Variants in CHFR observed in about 807,000 individuals in gnomAD.
CHFR encodes the protein checkpoint with forkhead and ring finger domains.
A neutral mutation model predicts 87.6 loss-of-function variants in CHFR; 57 were observed. The observed-to-expected ratio is 0.65, with a 90% confidence interval of 0.53 to 0.81. CHFR has a LOEUF of 0.81. CHFR is among the 30% of genes least tolerant of loss of function. CHFR has a pLI of 0.00. For synonymous variants in CHFR, 381 were observed against 359.2 expected, an observed-to-expected ratio of 1.06 and a Z score of -0.69; for missense variants, 797 against 865.8, an observed-to-expected ratio of 0.92 and a Z score of 1.00.
intron 14 of CHFR, chr12:132,847,450 C>T (rs1305525645): frequency 8.9e-7 from 1 of 1,120,190 alleles, no homozygotes; most frequent in African/African-American, 1.6e-5. Context: ...AGCAACGAGC[C>T]CAGGCTGTTG....
rs968563777 is a variant in CHFR, at chr12:132,857,506, T to C, written c.965A>G (p.Glu322Gly). ...GCAGGTAGGACACAGGGACGAGCGC[T>C]CCATCCAGCCCGAGTAGCAAGCCGC... ...FCAACYSGWM[E>G]RSSLCPTCRC... Residue 322 changes from glutamate to glycine, a missense_variant, in exon 9 of 18, where the codon GAG (glutamate) becomes GGG (glycine). By Grantham distance (98) the Glu-to-Gly change is moderately conservative. Transcript: ENST00000450056. The C allele has an allele frequency of 3.7e-6, 6 of 1,614,104 alleles. No homozygotes were observed. Among genetic ancestry groups the C allele is most frequent in the Non-Finnish European group, 5.1e-6 (6 of 1,180,002 alleles).
chr12:132,858,476 G>A (rs960920168), intron 8 of CHFR, among the ~76,000 whole-genome samples: 10 of 152,104 alleles, frequency 6.6e-5, no homozygotes, highest in African/African-American at 2.2e-4. Flanking sequence ...TATAATCCCA[G>A]CACTTTAGGA....
At chr12:132,863,228 C>G (rs1408318204) in intron 6 of CHFR, among the ~76,000 whole-genome samples, 2 of 148,668 alleles carry the variant, frequency 1.3e-5, no homozygotes, top group Non-Finnish European at 3.0e-5. Context: ...AAAAAAAATG[C>G]CAGGCGCGGT....
chr12:132,851,606 G>A lies in CHFR; in HGVS notation c.1492+12C>T, dbSNP rs746930809. The stretch of plus-strand genomic sequence containing the variant: ...TAGGAACCCGCCTGCGTGCGGTGGC[G>A]CGGGCACTCACACTGCTGAGGGGCG... On this transcript the variant is annotated intron_variant, in intron 12 of 17. Transcript: ENST00000450056. The A allele has an allele frequency of 2.2e-5, 36 of 1,603,496 alleles. No individual in the cohort carries two copies. The East Asian group carries it at 3.1e-4, about 14-fold the overall frequency.
intron 5 of CHFR, 100 bp downstream of exon 5, chr12:132,870,624 C>T (rs1951468084): frequency 3.8e-6 from 3 of 786,966 alleles, no homozygotes; most frequent in African/African-American, 3.4e-5. Flanking sequence ...CGCGCCACCG[C>T]ACTCCAGCCT....
In CHFR at chr12:132,869,656, C is replaced by T. The variant is rs1951438999; in HGVS notation, c.546G>A (p.Glu182=). 1 of 1,551,650 alleles carries T rather than the reference C, an allele frequency of 6.4e-7. No individual in the cohort carries two copies. The highest frequency in any genetic ancestry group is 2.0e-5 in the Admixed American group (1 of 50,998). Reference sequence around the variant, plus strand: ...AACGCTCTCGCCCTGCAGGAGAAGGCTCCGTGGAAGAGGCCGAGGCTGTGG... The same window carrying T: ...AACGCTCTCGCCCTGCAGGAGAAGGTTCCGTGGAAGAGGCCGAGGCTGTGG... The part of the protein sequence containing the change: ...LFPTASASST[E]PSPAGRERSS... The change falls in exon 6 of 18, where the codon GAG becomes GAA. Residue 182 remains glutamate (E), a synonymous_variant. Transcript: ENST00000450056.
Position 132,841,542 on chromosome 12 carries a change from G to C in CHFR, c.*12C>G. 1.9e-6 allele frequency: 3 copies of C among 1,610,848 alleles called. No individual in the cohort carries two copies. The highest frequency in any genetic ancestry group is 2.5e-6 in the Non-Finnish European group (3 of 1,177,030). ...CCTCCAGTGCTGAAAGCTGCTCAGG[G>C]CCTCTGGATGCTTAGTTTTTGAACC... On this transcript the variant is annotated 3_prime_UTR_variant, in exon 18 of 18. Coordinates refer to ENST00000450056, the MANE Select transcript of CHFR (RefSeq NM_001161346.2).
At chr12:132,851,797 T>C (rs1950952861) in intron 11 of CHFR, 60 bp from the exon 12 acceptor site, 2 of 1,555,500 alleles carry the variant, frequency 1.3e-6, no homozygotes, top group African/African-American at 2.7e-5. Context: ...GACAGCAGGT[T>C]AGAGAGGCCG....
In CHFR at chr12:132,872,346, T is replaced by C. The variant is rs1951509886; in HGVS notation, c.282A>G (p.Thr94=). The change falls in exon 4 of 18, where the codon ACA becomes ACG. Residue 94 remains threonine (T), a synonymous_variant. Transcript: ENST00000450056. ...TGACATCCCCAGTCTGTAAAGGGCA[T>C]GTCTGCTTCTTAACAACCTTCAGCT... is the stretch of plus-strand genomic sequence containing the variant. ...INKLKVVKKQ[T]CPLQTGDVIY... 6.2e-7 allele frequency: 1 copy of C among 1,613,804 alleles called. No homozygotes were observed. The highest frequency in any genetic ancestry group is 1.3e-5 in the African/African-American group (1 of 75,034).
chr12:132,843,207 A>G (rs541902910), intron 16 of CHFR, 124 bp from the exon 17 acceptor site: 6 of 832,260 alleles, frequency 7.2e-6, no homozygotes, highest in Admixed American at 2.1e-5. Flanking sequence ...TGGTCCCTCC[A>G]TAACTAGTTT....
At chr12:132,878,998 TG>T (rs1951701316) in intron 2 of CHFR, among the ~76,000 whole-genome samples, 1 of 131,990 alleles carries the variant, frequency 7.6e-6, no homozygotes, top group Non-Finnish European at 1.6e-5. Context: ...TTTTTTTTTT[TG>T]TTTTTGTTTG....
chr12:132,879,484 G>A (rs554917419), intron 2 of CHFR, among the ~76,000 whole-genome samples: 7 of 148,330 alleles, frequency 4.7e-5, no homozygotes, highest in East Asian at 2.0e-4. Flanking sequence ...TCTGCCTCCC[G>A]GGTTCAAGCG....
Position 132,841,587 on chromosome 12 carries a change from A to AT in CHFR, c.1925dup (p.Asn642LysfsTer5). On this transcript the variant is annotated frameshift_variant, in exon 18 of 18. Coordinates refer to ENST00000450056, the MANE Select transcript of CHFR (RefSeq NM_001161346.2). LOFTEE classifies it high-confidence loss of function. ...TGAACCTTGTCTGTTCACAGATATGATTGAATTTCCTGCAGGGAGAAAATG... is the reference window on the plus strand; with the variant it reads ...TGAACCTTGTCTGTTCACAGATATGATTTGAATTTCCTGCAGGGAGAAAATG... 1 of 1,613,894 alleles carries AT rather than the reference A, an allele frequency of 6.2e-7. No homozygotes were observed.
At chr12:132,861,237 A>G (rs1394165140) in intron 7 of CHFR, among the ~76,000 whole-genome samples, 1 of 152,236 alleles carries the variant, frequency 6.6e-6, no homozygotes, top group Non-Finnish European at 1.5e-5. Context: ...TTTCCAGACC[A>G]AGAGAACAGC....
chr12:132,872,480 T>A, intron 3 of CHFR, 86 bp from the exon 4 acceptor site: 1 of 823,966 alleles, frequency 1.2e-6, no homozygotes, highest in East Asian at 2.5e-5. Context: ...AGCAAGCAGC[T>A]CGATATGACC....
At chr12:132,875,981 C>A (rs1951623525) in intron 3 of CHFR, among the ~76,000 whole-genome samples, 1 of 152,032 alleles carries the variant, frequency 6.6e-6, no homozygotes, top group African/African-American at 2.4e-5. Context: ...TCGAGACCAG[C>A]CTGGCCAGCA....
chr12:132,850,168 T>C (rs1303038845), intron 12 of CHFR, among the ~76,000 whole-genome samples: 1 of 152,058 alleles, frequency 6.6e-6, no homozygotes, highest in Non-Finnish European at 1.5e-5. Flanking sequence ...TTAGCCAGGA[T>C]GGTCTTGATC....
At chr12:132,885,766 G>C (rs1307527030) in intron 2 of CHFR, among the ~76,000 whole-genome samples, 2 of 152,176 alleles carry the variant, frequency 1.3e-5, no homozygotes, top group Non-Finnish European at 2.9e-5. Context: ...TAGGTACATA[G>C]GCGCAGAAAG....
intron 3 of CHFR, among the ~76,000 whole-genome samples, chr12:132,874,533 G>C (rs1338621364): frequency 5.3e-5 from 8 of 149,900 alleles, no homozygotes; most frequent in Admixed American, 1.3e-4. Flanking sequence ...ACCCAGCGCG[G>C]GGAAGCCAGG....
Sources: gnomAD v4.1 joint callset for allele counts (sites outside exome capture counted in the v4.1 genomes callset) on GRCh38, gnomAD v4.1.1 for gene constraint, MANE v1.5 for transcripts, NCBI Gene and HGNC (gene_info 2026-07-23, HGNC 2026-07-21) for gene names.